SYT2: variants seen among roughly 807,000 people sequenced by gnomAD.
SYT2 encodes the protein synaptotagmin 2, also known as synaptotagmin-2.
Under a neutral mutation model 39.9 loss-of-function variants are expected in SYT2, and 15 were observed. The ratio of observed to expected loss-of-function variants is 0.38; its 90% CI spans 0.25 to 0.58. The LOEUF is 0.58. SYT2 is among the 20% of genes least tolerant of loss of function. SYT2 has a pLI of 0.70. For synonymous variants in SYT2, 181 were observed against 204.5 expected, an observed-to-expected ratio of 0.89 and a Z score of 0.98; for missense variants, 389 against 530.3, an observed-to-expected ratio of 0.73 and a Z score of 2.62.
At chr1:202,634,342 A>AC in intron 1 of SYT2, among the ~76,000 whole-genome samples, 1 of 152,154 alleles carries the variant, frequency 6.6e-6, no homozygotes, top group East Asian at 1.9e-4. Flanking sequence ...ACATGGAGAA[A>AC]CCCCATCTGT....
At chr1:202,636,071 T>C (rs773787111) in intron 1 of SYT2, among the ~76,000 whole-genome samples, 1 of 152,186 alleles carries the variant, frequency 6.6e-6, no homozygotes, top group Non-Finnish European at 1.5e-5. Flanking sequence ...CACCTCAGTC[T>C]GTCTGGGGCT....
In SYT2 at chr1:202,599,433, G is replaced by GC; in HGVS notation, c.920-83dup. On this transcript the variant is annotated intron_variant, in intron 7 of 8. Coordinates refer to ENST00000367268, the MANE Select transcript of SYT2 (RefSeq NM_177402.5). The surrounding 1 kb of genome is among the most constrained non-coding windows in gnomAD (Gnocchi z 4.4). The stretch of plus-strand genomic sequence containing the variant: ...CCGAATGTACCAAGGCCTGCCCAGA[G>GC]CATCGGTCAAGAGGGGGTCTTCACT... The GC allele has an allele frequency of 6.8e-7, 1 of 1,472,364 alleles. No individual in the cohort carries two copies. The highest frequency in any genetic ancestry group is 9.0e-7 in the Non-Finnish European group (1 of 1,106,034). 91.2% of individuals were successfully genotyped at this position (1,472,364 alleles called of 1,614,324 possible). A position where few individuals can be genotyped will look rare whatever the true frequency, so the allele number is the denominator to read the frequency against.
intron 3 of SYT2, among the ~76,000 whole-genome samples, chr1:202,603,782 C>T (rs546940881): frequency 1.2e-4 from 19 of 152,292 alleles, no homozygotes; most frequent in African/African-American, 4.3e-4. Flanking sequence ...TACACACACA[C>T]ATGCACTCAA....
chr1:202,603,229 G>A (rs1054159936), intron 3 of SYT2, 111 bp from the exon 4 acceptor site: 94 of 1,438,514 alleles, frequency 6.5e-5, no homozygotes, highest in Non-Finnish European at 8.7e-5. Context: ...CTGACTCAGA[G>A]CTGTGTGTGG....
chr1:202,659,712 CCTCTA>C (rs1188861389), intron 1 of SYT2, among the ~76,000 whole-genome samples: 1 of 152,190 alleles, frequency 6.6e-6, no homozygotes, highest in African/African-American at 2.4e-5. Context: ...CTGCCCTTCT[CCTCTA>C]ATGTTGGGTC....
At chr1:202,605,507 C>G in intron 2 of SYT2, 88 bp downstream of exon 2, 2 of 1,289,556 alleles carry the variant, frequency 1.6e-6, no homozygotes, top group Non-Finnish European at 2.2e-6. Flanking sequence ...AGAGCCCAGC[C>G]AATCACATCC....
At chr1:202,664,182 G>T (rs1053478982) in intron 1 of SYT2, among the ~76,000 whole-genome samples, 6 of 152,166 alleles carry the variant, frequency 3.9e-5, no homozygotes, top group African/African-American at 1.4e-4. Flanking sequence ...GTACAGGGAA[G>T]AAAGAGATTT....
chr1:202,604,403 G>C, intron 3 of SYT2, 52 bp downstream of exon 3: 2 of 1,579,182 alleles, frequency 1.3e-6, no homozygotes, highest in Non-Finnish European at 1.7e-6. Context: ...TCAGCATCAG[G>C]AAAGCCTGGG....
intron 1 of SYT2, among the ~76,000 whole-genome samples, chr1:202,685,586 C>G (rs970862312): frequency 6.6e-6 from 1 of 152,170 alleles, no homozygotes; most frequent in African/African-American, 2.4e-5. Context: ...CACCCCACCT[C>G]ACCACATGAA....
intron 1 of SYT2, among the ~76,000 whole-genome samples, chr1:202,620,460 C>G (rs2149082664): frequency 6.6e-6 from 1 of 151,172 alleles, no homozygotes; most frequent in South Asian, 2.2e-4. Flanking sequence ...TATCCTTTAT[C>G]TTATCCTTTT....
chr1:202,673,258 T>A (rs10920453), intron 1 of SYT2, among the ~76,000 whole-genome samples: 39,082 of 152,078 alleles, frequency 0.26, 5,951 homozygotes, highest in East Asian at 0.54. Flanking sequence ...TTAAGTCTTC[T>A]AGAATAAACA....
chr1:202,667,857 CA>C (rs982559042), intron 1 of SYT2, among the ~76,000 whole-genome samples: 9 of 152,036 alleles, frequency 5.9e-5, no homozygotes, highest in African/African-American at 2.2e-4. Flanking sequence ...GGATTACAGG[CA>C]CCTGCCACCA....
At chr1:202,619,506 C>T (rs1481231176) in intron 1 of SYT2, among the ~76,000 whole-genome samples, 1 of 152,182 alleles carries the variant, frequency 6.6e-6, no homozygotes, top group South Asian at 2.1e-4. Flanking sequence ...TCAGGCTTGG[C>T]CTGCATCAAG....
chr1:202,698,795 G>A (rs545517578), intron 1 of SYT2, among the ~76,000 whole-genome samples: 1 of 152,262 alleles, frequency 6.6e-6, no homozygotes, highest in African/African-American at 2.4e-5. Flanking sequence ...GGGTCACCAG[G>A]GTTAAGGACT....
At chr1:202,660,698 G>C (rs569124119) in intron 1 of SYT2, among the ~76,000 whole-genome samples, 1 of 152,018 alleles carries the variant, frequency 6.6e-6, no homozygotes, top group East Asian at 1.9e-4. Context: ...GCCCAGGCTG[G>C]TCTTGAACTC....
chr1:202,681,125 T>C lies in SYT2; in HGVS notation c.-18+29133A>G, dbSNP rs888487800. 6.1e-5 allele frequency among the ~76,000 whole-genome samples: 9 copies of C among 147,324 alleles called. 1 individual carries two copies. The highest frequency in any genetic ancestry group is 1.5e-4 in the African/African-American group (6 of 40,546). On this transcript the variant is annotated intron_variant, in intron 1 of 8. Transcript: ENST00000367268. Reference sequence around the variant, plus strand: ...TCCCACCCTGGCTCCTGGTCTCACCTAGATCAAGCCACACCCCTCCTCCTG... The same window carrying C: ...TCCCACCCTGGCTCCTGGTCTCACCCAGATCAAGCCACACCCCTCCTCCTG...
chr1:202,626,659 A>G lies in SYT2; in HGVS notation c.-17-20870T>C, dbSNP rs1338131359. Among the ~76,000 whole-genome samples, 3 of 152,012 alleles carry G rather than the reference A, an allele frequency of 2.0e-5. No individual in the cohort carries two copies. In the South Asian group the frequency reaches 6.2e-4, roughly 32 times the overall value. ...TGAGATTACAGGCCTGAGCCACCGC[A>G]TGCAGCCTAGATAGCCTCTCAGCTT... On this transcript the variant is annotated intron_variant, in intron 1 of 8. Coordinates refer to ENST00000367268, the MANE Select transcript of SYT2 (RefSeq NM_177402.5).
chr1:202,602,672 G>A, intron 4 of SYT2, 127 bp from the exon 5 acceptor site: 2 of 940,306 alleles, frequency 2.1e-6, no homozygotes, highest in East Asian at 2.6e-5. Context: ...ATGGCGGGAG[G>A]CTGGTGCTAG....
At chr1:202,615,136 A>C (rs1023333482) in intron 1 of SYT2, among the ~76,000 whole-genome samples, 1 of 152,218 alleles carries the variant, frequency 6.6e-6, no homozygotes, top group Non-Finnish European at 1.5e-5. Flanking sequence ...CCACCAGAGG[A>C]AAATGACTTA....
Sources: allele counts gnomAD v4.1 joint callset (sites outside exome capture counted in the v4.1 genomes callset), GRCh38; gene constraint gnomAD v4.1.1; non-coding constraint Gnocchi (gnomAD v3.1); transcripts MANE v1.5; gene names NCBI Gene and HGNC (gene_info 2026-07-23, HGNC 2026-07-21).